FRMPD4: variants seen among roughly 807,000 people sequenced by gnomAD.
FRMPD4 encodes the protein FERM and PDZ domain containing 4, also known as FERM and PDZ domain-containing protein 4.
Under a neutral mutation model 94.1 loss-of-function variants are expected in FRMPD4, and 22 were observed. The ratio of observed to expected loss-of-function variants is 0.23; its 90% confidence interval spans 0.17 to 0.33. FRMPD4 has a LOEUF of 0.33. Among genes scored for constraint, FRMPD4 ranks in the 10% least tolerant of loss-of-function variants. The pLI is 1.00. For synonymous variants in FRMPD4, 631 were observed against 548.6 expected, an observed-to-expected ratio of 1.15 and a Z score of -2.10; for missense variants, 1,111 against 1,339.9, an observed-to-expected ratio of 0.83 and a Z score of 2.67.
intron 1 of FRMPD4, among the ~76,000 whole-genome samples, chrX:12,476,318 A>C (rs2057598134): frequency 8.9e-6 from 1 of 112,023 alleles, no homozygotes; most frequent in Non-Finnish European, 1.9e-5. Flanking sequence ...TTAATTCAAG[A>C]TGGATTAAAG....
intron 1 of FRMPD4, among the ~76,000 whole-genome samples, chrX:12,153,515 C>T (rs1368149225): frequency 8.9e-6 from 1 of 112,168 alleles, no homozygotes; most frequent in Non-Finnish European, 1.9e-5. Context: ...TCTAATCCTT[C>T]TCTACTGGTT....
At chrX:12,446,260 G>A (rs2057194081) in intron 1 of FRMPD4, among the ~76,000 whole-genome samples, 1 of 112,445 alleles carries the variant, frequency 8.9e-6, no homozygotes, top group Non-Finnish European at 1.9e-5. Flanking sequence ...TTTGTAGTTA[G>A]TATGTATGAC....
At chrX:12,252,550 G>A (rs775517859) in intron 1 of FRMPD4, among the ~76,000 whole-genome samples, 5 of 111,970 alleles carry the variant, frequency 4.5e-5, no homozygotes, top group African/African-American at 1.6e-4. Context: ...CTTATCTAGA[G>A]GAAATGAAAG....
At chrX:11,832,751 C>T (rs1354619122) in intron 1 of FRMPD4, among the ~76,000 whole-genome samples, 2 of 111,797 alleles carry the variant, frequency 1.8e-5, no homozygotes, top group Non-Finnish European at 3.8e-5. Flanking sequence ...CAAATATCCC[C>T]TGTCCCACTG....
chrX:12,079,271 T>A (rs1484229584), intron 3 of FRMPD4, among the ~76,000 whole-genome samples: 1 of 110,856 alleles, frequency 9.0e-6, no homozygotes, highest in Non-Finnish European at 1.9e-5. Flanking sequence ...AAGTTCTCTA[T>A]GTTTATTGAA....
chrX:11,840,782 T>C, intron 1 of FRMPD4, among the ~76,000 whole-genome samples: 1 of 108,107 alleles, frequency 9.3e-6, no homozygotes, highest in Non-Finnish European at 1.9e-5. Context: ...TTAGGGTACA[T>C]GTGCACAATG....
intron 1 of FRMPD4, among the ~76,000 whole-genome samples, chrX:12,348,894 C>T (rs1462359610): frequency 8.9e-6 from 1 of 111,925 alleles, no homozygotes; most frequent in Non-Finnish European, 1.9e-5. Context: ...TTAATGAAAC[C>T]AAGGAAGCAA....
At chrX:12,589,970 AATT>A (rs1228949447) in intron 2 of FRMPD4, among the ~76,000 whole-genome samples, 3 of 112,346 alleles carry the variant, frequency 2.7e-5, no homozygotes, top group African/African-American at 9.7e-5. Context: ...TACTTTGCAT[AATT>A]ATCATATGAG....
chrX:12,710,733 C>G (rs751718636), intron 14 of FRMPD4, among the ~76,000 whole-genome samples, 196 bp downstream of exon 14: 4 of 110,949 alleles, frequency 3.6e-5, no homozygotes, highest in Non-Finnish European at 7.6e-5. Flanking sequence ...TGGTGAAACA[C>G]CATCTCTACT....
intron 1 of FRMPD4, among the ~76,000 whole-genome samples, chrX:11,851,093 C>G (rs1347407839): frequency 8.9e-6 from 1 of 111,818 alleles, no homozygotes; most frequent in Non-Finnish European, 1.9e-5. Context: ...AGAACTGGCA[C>G]AGGTGGGGTG....
intron 1 of FRMPD4, among the ~76,000 whole-genome samples, chrX:12,249,780 T>G (rs1016002432): frequency 9.0e-6 from 1 of 111,076 alleles, no homozygotes; most frequent in African/African-American, 3.3e-5. Context: ...TTCTAAATTG[T>G]CAGACAGGAA....
chrX:12,452,208 C>T (rs2057280647), intron 1 of FRMPD4, among the ~76,000 whole-genome samples: 1 of 111,446 alleles, frequency 9.0e-6, no homozygotes, highest in African/African-American at 3.3e-5. Context: ...TTATTTTTTA[C>T]TTTGAATCTC....
intron 3 of FRMPD4, among the ~76,000 whole-genome samples, chrX:11,921,296 T>C (rs2054054812): frequency 8.9e-6 from 1 of 112,280 alleles, no homozygotes; most frequent in Non-Finnish European, 1.9e-5. Context: ...CTTCTTGCTA[T>C]ACCTTCACAT....
intron 4 of FRMPD4, among the ~76,000 whole-genome samples, chrX:12,618,432 G>A (rs2059256031): frequency 9.0e-6 from 1 of 111,567 alleles, no homozygotes; most frequent in Admixed American, 9.6e-5. Flanking sequence ...TTTATGACTG[G>A]ACAATGCTGT....
chrX:12,382,252 G>A (rs749071521), intron 1 of FRMPD4, among the ~76,000 whole-genome samples: 3 of 111,948 alleles, frequency 2.7e-5, no homozygotes, highest in African/African-American at 9.7e-5. Context: ...CTGTGAACAT[G>A]GGTAGCTGAG....
intron 3 of FRMPD4, among the ~76,000 whole-genome samples, chrX:12,129,622 A>G (rs891897411): frequency 9.0e-6 from 1 of 110,706 alleles, no homozygotes; most frequent in Admixed American, 9.6e-5. Flanking sequence ...TCTTATCTCC[A>G]CCTCTCATAG....
intron 1 of FRMPD4, among the ~76,000 whole-genome samples, chrX:12,431,742 G>A (rs2057012269): frequency 8.9e-6 from 1 of 112,086 alleles, no homozygotes; most frequent in Admixed American, 9.4e-5. Context: ...ATTCATGGTT[G>A]ATAATTTTGT....
At chrX:12,667,750 A>G (rs1460958088) in intron 4 of FRMPD4, among the ~76,000 whole-genome samples, 1 of 112,068 alleles carries the variant, frequency 8.9e-6, no homozygotes, top group Non-Finnish European at 1.9e-5. Context: ...CTGGTGTCCC[A>G]AACATGTTTC....
At chrX:12,518,210 T>A (rs927942582) in intron 2 of FRMPD4, among the ~76,000 whole-genome samples, 2 of 111,230 alleles carry the variant, frequency 1.8e-5, no homozygotes, top group African/African-American at 6.6e-5. Context: ...CAGCCACCCC[T>A]CCCCCTGTAA....
Sources: gnomAD v4.1 joint callset for allele counts (sites outside exome capture counted in the v4.1 genomes callset) on GRCh38, gnomAD v4.1.1 for gene constraint, MANE v1.5 for transcripts, NCBI Gene and HGNC (gene_info 2026-07-23, HGNC 2026-07-21) for gene names.